Variants in PRORP observed in about 807,000 individuals in gnomAD.
The protein encoded by PRORP is mitochondrial ribonuclease P catalytic subunit.
In PRORP, 51 loss-of-function variants were observed where a neutral mutation model predicts 59.4. The ratio of observed to expected loss-of-function variants is 0.86; its 90% confidence interval spans 0.69 to 1.08. The LOEUF is 1.08. PRORP is among the 50% of genes least tolerant of loss of function. PRORP has a pLI of 0.00. For synonymous variants in PRORP, 231 were observed against 245.6 expected (o/e 0.94, Z 0.55); for missense variants, 646 against 690.3 (o/e 0.94, Z 0.72).
intron 4 of PRORP, chr14:35,157,898 A>T (rs1023444532): frequency 4.7e-5 from 8 of 169,042 alleles, no homozygotes; most frequent in Admixed American, 4.5e-4. Flanking sequence ...ATTGATCAAT[A>T]GTTTAAAAGA....
intron 5 of PRORP, among the ~76,000 whole-genome samples, chr14:35,232,815 GAT>G: frequency 6.6e-6 from 1 of 152,234 alleles, no homozygotes; most frequent in East Asian, 1.9e-4. Flanking sequence ...TGGGACTACA[GAT>G]GCATGCCACC....
chr14:35,259,353 G>T (rs1566533185), intron 5 of PRORP, among the ~76,000 whole-genome samples: 1 of 150,628 alleles, frequency 6.6e-6, no homozygotes, highest in Non-Finnish European at 1.5e-5. Context: ...TTTGAAGTGA[G>T]TTTTTTTTTA....
chr14:35,250,454 C>T (rs2138584351), intron 5 of PRORP, among the ~76,000 whole-genome samples: 1 of 152,288 alleles, frequency 6.6e-6, no homozygotes, highest in Non-Finnish European at 1.5e-5. Flanking sequence ...TCCTGAAGAG[C>T]TGTTTACATT....
At chr14:35,248,693 C>T (rs1403570735) in intron 5 of PRORP, among the ~76,000 whole-genome samples, 1 of 152,230 alleles carries the variant, frequency 6.6e-6, no homozygotes, top group Non-Finnish European at 1.5e-5. Context: ...TTCCTGCACT[C>T]TCCACCTTGG....
intron 5 of PRORP, among the ~76,000 whole-genome samples, chr14:35,218,257 C>G (rs898080282): frequency 2.6e-5 from 4 of 151,532 alleles, no homozygotes; most frequent in Admixed American, 1.3e-4. Context: ...CCTAGGAGTT[C>G]GAGACCAGCC....
At chr14:35,256,412 G>A (rs1242463648) in intron 5 of PRORP, among the ~76,000 whole-genome samples, 2 of 125,174 alleles carry the variant, frequency 1.6e-5, no homozygotes, top group Non-Finnish European at 3.2e-5. Flanking sequence ...GCTCACTGCA[G>A]CCTCCGCCTC....
At position 35,123,960 on chromosome 14, in the gene PRORP, G is replaced by A; in HGVS notation, c.715G>A (p.Val239Ile). Reference sequence around the variant, plus strand: ...GTTGCTGTTAGAGGACATCAAAAAAGTTATAACTCCTTCAAAAAAGAACTA... The same window carrying A: ...GTTGCTGTTAGAGGACATCAAAAAAATTATAACTCCTTCAAAAAAGAACTA... ...ALLLLEDIKKVITPSKKNYND... is the reference protein window; with the variant it reads ...ALLLLEDIKKIITPSKKNYND... The change falls in exon 2 of 8, where the codon GTT becomes ATT. Residue 239 changes from valine to isoleucine, a missense_variant. Physicochemically the swap from Val to Ile is conservative, Grantham distance 29 (BLOSUM62 3). Coordinates refer to ENST00000534898, the MANE Select transcript of PRORP (RefSeq NM_014672.4). 6.2e-7 allele frequency: 1 copy of A among 1,614,094 alleles called. No homozygotes were observed. Among genetic ancestry groups the A allele is most frequent in the Non-Finnish European group, 8.5e-7 (1 of 1,180,010 alleles).
At chr14:35,170,607 C>T (rs1386826152) in intron 4 of PRORP, among the ~76,000 whole-genome samples, 1 of 152,044 alleles carries the variant, frequency 6.6e-6, no homozygotes, top group Non-Finnish European at 1.5e-5. Flanking sequence ...TAGCTTAAAA[C>T]ATATATTACA....
chr14:35,154,812 A>G (rs761946155), intron 4 of PRORP, among the ~76,000 whole-genome samples: 1 of 152,234 alleles, frequency 6.6e-6, no homozygotes, highest in Non-Finnish European at 1.5e-5. Context: ...GATTTGAACA[A>G]TCAGAGGAAT....
chr14:35,152,459 C>T (rs919809006), intron 4 of PRORP, among the ~76,000 whole-genome samples: 3 of 151,874 alleles, frequency 2.0e-5, no homozygotes, highest in East Asian at 1.9e-4. Flanking sequence ...ACCTCCCAGA[C>T]GGGATGGTGG....
chr14:35,202,733 A>G (rs576148516), intron 5 of PRORP, among the ~76,000 whole-genome samples: 133 of 152,118 alleles, frequency 8.7e-4, no homozygotes, highest in Non-Finnish European at 1.5e-3. Flanking sequence ...GGACTCAAGC[A>G]GTCCTTCCGC....
chr14:35,157,704 A>G (rs2047951064), intron 4 of PRORP, among the ~76,000 whole-genome samples: 4 of 152,138 alleles, frequency 2.6e-5, no homozygotes, highest in South Asian at 2.1e-4. Context: ...CTTTCTATTA[A>G]TAAGTACACA....
intron 5 of PRORP, among the ~76,000 whole-genome samples, chr14:35,197,721 A>G (rs1595288888): frequency 6.6e-6 from 1 of 152,174 alleles, no homozygotes; most frequent in Non-Finnish European, 1.5e-5. Flanking sequence ...CCTTATTGGT[A>G]TATTATTTCT....
intron 5 of PRORP, among the ~76,000 whole-genome samples, chr14:35,193,578 A>T (rs1323783118): frequency 6.6e-6 from 1 of 150,990 alleles, no homozygotes; most frequent in Non-Finnish European, 1.5e-5. Flanking sequence ...ACCATAAAGC[A>T]CCTAAGATAC....
In PRORP at chr14:35,124,045, A is replaced by G. The variant is rs773579963; in HGVS notation, c.800A>G (p.Tyr267Cys). Reference protein sequence around the residue: ...HQDVNTAWNLYQELLGHDIVP... With the variant: ...HQDVNTAWNLCQELLGHDIVP... Reference sequence around the variant, plus strand: ...GATGTAAACACAGCTTGGAATTTATATCAGGAATTGCTAGGTCATGATATT... The same window carrying G: ...GATGTAAACACAGCTTGGAATTTATGTCAGGAATTGCTAGGTCATGATATT... The change falls in exon 2 of 8, where the codon TAT (tyrosine) becomes TGT (cysteine). Residue 267 changes from tyrosine to cysteine, a missense_variant. Tyr to Cys is a radical substitution (Grantham distance 194, BLOSUM62 -2). Transcript: ENST00000534898. 9.3e-6 allele frequency: 15 copies of G among 1,613,830 alleles called. No homozygotes were observed. In the Admixed American group the frequency reaches 1.3e-4, roughly 14 times the overall value.
In PRORP at chr14:35,277,020, CTTTT is replaced by C. The variant is rs1566544833; in HGVS notation, c.*3455_*3458del. On this transcript the variant is annotated 3_prime_UTR_variant, in exon 8 of 8. Transcript: ENST00000534898. ...CCTTGGTCCTCTAGCAGATTTCTCA[CTTTT>C]ATTTATTTTTTTTTTTGAGACAGAG... 1 of 151,806 alleles carries C rather than the reference CTTTT, an allele frequency of 6.6e-6. No individual in the cohort carries two copies. Among genetic ancestry groups the C allele is most frequent in the African/African-American group, 2.4e-5 (1 of 41,320 alleles). 9.4% of individuals were successfully genotyped at this position (151,806 alleles called of 1,614,324 possible).
intron 5 of PRORP, among the ~76,000 whole-genome samples, chr14:35,215,579 G>C (rs1047396104): frequency 6.6e-6 from 1 of 151,964 alleles, no homozygotes; most frequent in East Asian, 1.9e-4. Flanking sequence ...CAAAGTGACC[G>C]TGACTCAAAA....
intron 5 of PRORP, among the ~76,000 whole-genome samples, chr14:35,198,194 T>G (rs528205808): frequency 6.6e-6 from 1 of 152,360 alleles, no homozygotes; most frequent in African/African-American, 2.4e-5. Flanking sequence ...ATTTATAGGC[T>G]TCACATAATT....
intron 4 of PRORP, among the ~76,000 whole-genome samples, chr14:35,147,866 C>T (rs1488905276): frequency 6.6e-6 from 1 of 152,212 alleles, no homozygotes; most frequent in Non-Finnish European, 1.5e-5. Context: ...TACAACGTGT[C>T]TACTAGGAGT....
Sources: gnomAD v4.1 joint callset for allele counts (sites outside exome capture counted in the v4.1 genomes callset) on GRCh38, gnomAD v4.1.1 for gene constraint, MANE v1.5 for transcripts, NCBI Gene and HGNC (gene_info 2026-07-23, HGNC 2026-07-21) for gene names.